The following CDKL1 variants were observed in gnomAD, a reference collection of about 807,000 sequenced individuals.
CDKL1 encodes cyclin-dependent kinase-like 1.
Under a neutral mutation model 42.0 loss-of-function variants are expected in CDKL1, and 41 were observed. That is an observed-to-expected ratio of 0.98 (90% confidence interval 0.76 to 1.27). The LOEUF (loss-of-function observed/expected upper bound fraction) is 1.27. Ranked by LOEUF, CDKL1 falls within the 50% of genes most tolerant of loss-of-function variation. The pLI is 0.00. For missense variants in CDKL1, 394 were observed against 428.4 expected, an observed-to-expected ratio of 0.92 and a Z score of 0.71; for synonymous variants, 153 against 158.6, an observed-to-expected ratio of 0.96 and a Z score of 0.26.
At chr14:50,390,282 A>G (rs755787437) in intron 2 of CDKL1, 1 of 1,366,392 alleles carries the variant, frequency 7.3e-7, no homozygotes, top group East Asian at 4.5e-5. Context: ...ACCACCTGCC[A>G]TAGGTAGAAC....
chr14:50,385,398 G>A (rs1265052318), intron 2 of CDKL1, among the ~76,000 whole-genome samples: 1 of 152,112 alleles, frequency 6.6e-6, no homozygotes, highest in South Asian at 2.1e-4. Flanking sequence ...TCTAAGTCGA[G>A]GCACATTCCA....
rs11570809 is a variant in CDKL1 at position 50,363,222 on chromosome 14, G to T, written c.169-4073C>A. 684 of 199,616 alleles carry T rather than the reference G, an allele frequency of 3.4e-3. 5 individuals carry two copies. Among genetic ancestry groups the T allele is most frequent in the African/African-American group, 0.015 (644 of 43,440 alleles). 12.4% of individuals were successfully genotyped at this position (199,616 alleles called of 1,614,324 possible). On this transcript the variant is annotated intron_variant, in intron 2 of 9. Transcript: ENST00000395834. ...GCCTTTAAGAAGTGTAACACTCACC[G>T]CGAGAGTCTGTGGCTTCATTCTTGA...
intron 2 of CDKL1, chr14:50,363,066 C>T: frequency 4.9e-6 from 2 of 408,260 alleles, no homozygotes; most frequent in South Asian, 3.5e-5. Flanking sequence ...TCCAAACACA[C>T]TGCCTTAAGA....
At chr14:50,339,473 T>C (rs1595269985) in intron 6 of CDKL1, among the ~76,000 whole-genome samples, 2 of 131,896 alleles carry the variant, frequency 1.5e-5, no homozygotes, top group Admixed American at 1.9e-4. Context: ...GTGTCTAACA[T>C]AGAGCAAGCA....
Position 50,329,042 on chromosome 14 carries a change from T to TGC in CDKL1, c.*1031_*1032insGC, listed in dbSNP as rs1387492227. On this transcript the variant is annotated 3_prime_UTR_variant, in exon 10 of 10. Coordinates refer to ENST00000395834, the MANE Select transcript of CDKL1 (RefSeq NM_004196.7). ...ATATTAGTTGTTAGAATAGCATATA[T>TGC]ATATATATATATATATATATACATA... The TGC allele has an allele frequency of 3.7e-5, 5 of 134,932 alleles. No homozygotes were observed. The highest frequency in any genetic ancestry group is 7.7e-5 in the Non-Finnish European group (5 of 65,160). 8.4% of individuals were successfully genotyped at this position (134,932 alleles called of 1,614,324 possible).
intron 2 of CDKL1, chr14:50,390,530 T>G (rs935715457): frequency 8.9e-6 from 3 of 335,716 alleles, no homozygotes; most frequent in Non-Finnish European, 1.8e-5. Flanking sequence ...TTGTTTTGGT[T>G]TGTATTACTT....
chr14:50,358,021 C>A (rs749352740), intron 3 of CDKL1: 2 of 1,351,566 alleles, frequency 1.5e-6, no homozygotes, highest in Non-Finnish European at 2.0e-6. Context: ...CCAGTCCTCT[C>A]ACCCTGCAAG....
chr14:50,335,215 G>C (rs996017381), intron 7 of CDKL1, among the ~76,000 whole-genome samples: 1 of 150,282 alleles, frequency 6.7e-6, no homozygotes, highest in Admixed American at 6.7e-5. Flanking sequence ...AGGATGGCGT[G>C]GGTTTGGGAG....
In CDKL1 at chr14:50,377,741, CAT is replaced by C. The variant is rs747282643; in HGVS notation, c.168+17958_168+17959del. The C allele has an allele frequency of 6.4e-6, 8 of 1,250,428 alleles. No homozygotes were observed. In the Admixed American group the frequency reaches 1.6e-4, roughly 25 times the overall value. 77.5% of individuals were successfully genotyped at this position (1,250,428 alleles called of 1,614,324 possible). ...AGCTTGCTTCGGCACTGCAGTGGCA[CAT>C]GAGTGGTATGCGGCAATGGTCATTA... On this transcript the variant is annotated intron_variant, in intron 2 of 9. Coordinates refer to ENST00000395834, the MANE Select transcript of CDKL1 (RefSeq NM_004196.7).
chr14:50,383,681 G>A (rs1341831206), intron 2 of CDKL1, among the ~76,000 whole-genome samples: 1 of 152,096 alleles, frequency 6.6e-6, no homozygotes, highest in African/African-American at 2.4e-5. Context: ...TTTTATCAAT[G>A]TGAATTACAA....
At chr14:50,382,458 A>AT in intron 2 of CDKL1, among the ~76,000 whole-genome samples, 1 of 151,906 alleles carries the variant, frequency 6.6e-6, no homozygotes, top group East Asian at 1.9e-4. Context: ...CTCAAAAAAA[A>AT]ATTTTTTTTT....
At chr14:50,383,550 C>CAAAAAAAAAAAAA (rs72048788) in intron 2 of CDKL1, among the ~76,000 whole-genome samples, 1 of 140,268 alleles carries the variant, frequency 7.1e-6, no homozygotes. Flanking sequence ...GAGACTGTCT[C>CAAAAAAAAAAAAA]AAAAAAAAAA....
chr14:50,377,655 A>T, intron 2 of CDKL1: 1 of 1,356,892 alleles, frequency 7.4e-7, no homozygotes. Context: ...GGAGGAGCCC[A>T]GGGAGGTGTA....
At chr14:50,371,870 G>A (rs1290719115) in intron 2 of CDKL1, among the ~76,000 whole-genome samples, 2 of 152,220 alleles carry the variant, frequency 1.3e-5, no homozygotes, top group African/African-American at 2.4e-5. Flanking sequence ...CACTCCTGGT[G>A]CCCACTCCGA....
Position 50,326,455 on chromosome 14 carries a change from T to C in CDKL1, c.*3619A>G. Reference sequence around the variant, plus strand: ...GAAAAATTAGAAGCTAAATTACAGATTCATTGATGGAGTCAATTATGCAAA... The same window carrying C: ...GAAAAATTAGAAGCTAAATTACAGACTCATTGATGGAGTCAATTATGCAAA... On this transcript the variant is annotated 3_prime_UTR_variant, in exon 10 of 10. Coordinates refer to ENST00000395834, the MANE Select transcript of CDKL1 (RefSeq NM_004196.7). 1.0e-6 allele frequency: 1 copy of C among 985,178 alleles called. No individual in the cohort carries two copies. The highest frequency in any genetic ancestry group is 1.2e-6 in the Non-Finnish European group (1 of 829,750). The allele number at this position is 985,178 out of a possible 1,614,324, so 61.0% of individuals were successfully genotyped here. A position where few individuals can be genotyped will look rare whatever the true frequency, so the allele number is the denominator to read the frequency against.
intron 2 of CDKL1, among the ~76,000 whole-genome samples, chr14:50,361,204 G>T (rs2034237293): frequency 6.6e-6 from 1 of 152,194 alleles, no homozygotes; most frequent in Non-Finnish European, 1.5e-5. Flanking sequence ...TGAACTGCAT[G>T]CTACAGCACA....
At chr14:50,358,148 G>A in intron 3 of CDKL1, 1 of 1,331,378 alleles carries the variant, frequency 7.5e-7, no homozygotes, top group African/African-American at 1.5e-5. Flanking sequence ...GCATATGCTA[G>A]AGAGAGCTGT....
rs2035403662 is a variant in CDKL1, at chr14:50,396,222, GA to G, written c.-355del. ...AAAAAAAAAAAAAAAAAGAAAGAAA[GA>G]AAAGAAAAGAAAGGATCTTCACATA... On this transcript the variant is annotated 5_prime_UTR_variant, in exon 2 of 10. Transcript: ENST00000395834. 2 of 959,394 alleles carry G rather than the reference GA, an allele frequency of 2.1e-6. No homozygotes were observed. The highest frequency in any genetic ancestry group is 3.9e-5 in the South Asian group (1 of 25,654). 59.4% of individuals were successfully genotyped at this position (959,394 alleles called of 1,614,324 possible).
intron 2 of CDKL1, chr14:50,363,162 T>A (rs966671321): frequency 5.6e-5 from 13 of 231,470 alleles, no homozygotes; most frequent in Non-Finnish European, 1.2e-4. Flanking sequence ...ACTCAACACA[T>A]CCGAACATCA....
Sources: gnomAD v4.1 joint callset for allele counts (sites outside exome capture counted in the v4.1 genomes callset) on GRCh38, gnomAD v4.1.1 for gene constraint, MANE v1.5 for transcripts, NCBI Gene and HGNC (gene_info 2026-07-23, HGNC 2026-07-21) for gene names.